The following EDIL3 variants were observed in gnomAD, a reference collection of about 807,000 sequenced individuals.
The protein encoded by EDIL3 is EGF like and discoidin domains 3.
In EDIL3, 37 loss-of-function variants were observed where a neutral mutation model predicts 67.4. The ratio of observed to expected loss-of-function variants is 0.55; its 90% CI spans 0.42 to 0.72. The LOEUF (loss-of-function observed/expected upper bound fraction) is 0.72, where lower values mean the gene tolerates loss of function less well. EDIL3 is among the 30% of genes least tolerant of loss of function. The pLI, the probability that EDIL3 is intolerant of heterozygous loss-of-function variation, is 0.00. For synonymous variants in EDIL3, 195 were observed against 196.3 expected, an observed-to-expected ratio of 0.99 and a Z score of 0.05; for missense variants, 527 against 586.3, an observed-to-expected ratio of 0.90 and a Z score of 1.04.
At chr5:84,245,395 T>G (rs767940592) in intron 2 of EDIL3, among the ~76,000 whole-genome samples, 1 of 152,200 alleles carries the variant, frequency 6.6e-6, no homozygotes, top group African/African-American at 2.4e-5. Context: ...TTAAGCTTCC[T>G]CTTCATTATA....
chr5:84,039,107 T>C (rs1181324542), intron 9 of EDIL3, among the ~76,000 whole-genome samples: 1 of 140,364 alleles, frequency 7.1e-6, no homozygotes, highest in Non-Finnish European at 1.5e-5. Flanking sequence ...CTAAAGACTG[T>C]GTTTTTTTTT....
chr5:83,995,370 G>A (rs1422512575), intron 9 of EDIL3, among the ~76,000 whole-genome samples: 2 of 152,088 alleles, frequency 1.3e-5, no homozygotes, highest in East Asian at 1.9e-4. Context: ...TTTATTCCAC[G>A]AGGGTCACTT....
chr5:84,178,672 G>A (rs938015515), intron 4 of EDIL3, among the ~76,000 whole-genome samples: 3 of 152,136 alleles, frequency 2.0e-5, no homozygotes, highest in African/African-American at 7.2e-5. Flanking sequence ...CTGACTCAGG[G>A]TCACTTATTT....
At chr5:84,069,441 C>T (rs1561421295) in intron 6 of EDIL3, among the ~76,000 whole-genome samples, 1 of 151,946 alleles carries the variant, frequency 6.6e-6, no homozygotes, top group Non-Finnish European at 1.5e-5. Flanking sequence ...AATTTCCTCC[C>T]TGTAAAGGAG....
At chr5:84,182,153 G>A (rs1364718582) in intron 3 of EDIL3, among the ~76,000 whole-genome samples, 11 of 152,136 alleles carry the variant, frequency 7.2e-5, no homozygotes, top group African/African-American at 1.9e-4. Context: ...AGAGCTGAAC[G>A]AGGTGGTGCA....
chr5:84,137,244 A>G lies in EDIL3; in HGVS notation c.466T>C (p.Tyr156His), dbSNP rs946924168. The G allele has an allele frequency of 1.2e-6, 2 of 1,610,712 alleles. No individual in the cohort carries two copies. Among genetic ancestry groups the G allele is most frequent in the Non-Finnish European group, 1.7e-6 (2 of 1,178,174 alleles). The change falls in exon 5 of 11, where the codon TAC (tyrosine) becomes CAC (histidine). Residue 156 changes from tyrosine to histidine, a missense_variant. Physicochemically the swap from Tyr to His is moderately conservative, Grantham distance 83. This residue lies in a region of EDIL3 where 494 missense variants were observed against 522.5 expected (regional missense o/e 0.95). Coordinates refer to ENST00000296591, the MANE Select transcript of EDIL3 (RefSeq NM_005711.5). ...PGEFMGRNCQ[Y>H]KCSGPLGIEG... is the part of the protein sequence containing the mutation. ...ATACACACACGTGAATACTTACTGT[A>G]TTGACAATTTCTTCCCATAAATTCG...
intron 9 of EDIL3, among the ~76,000 whole-genome samples, chr5:84,029,155 G>A (rs1199112348): frequency 6.6e-6 from 1 of 152,174 alleles, no homozygotes; most frequent in Non-Finnish European, 1.5e-5. Context: ...TACTCTGGAG[G>A]CTGAAGCAAG....
intron 1 of EDIL3, among the ~76,000 whole-genome samples, chr5:84,371,448 T>TAGAG (rs1417769703): frequency 1.1e-5 from 1 of 93,234 alleles, no homozygotes; most frequent in African/African-American, 5.0e-5. Flanking sequence ...TATATATATA[T>TAGAG]ATAGAGAGAG....
At chr5:84,001,954 A>G in intron 9 of EDIL3, among the ~76,000 whole-genome samples, 1 of 152,136 alleles carries the variant, frequency 6.6e-6, no homozygotes, top group East Asian at 1.9e-4. Context: ...CATCAAAAAA[A>G]TAAATAAATA....
intron 1 of EDIL3, among the ~76,000 whole-genome samples, chr5:84,254,853 C>T (rs1486620264): frequency 6.6e-6 from 1 of 152,180 alleles, no homozygotes; most frequent in Admixed American, 6.5e-5. Context: ...AGAAACCCCA[C>T]AATACGTGGC....
intron 1 of EDIL3, among the ~76,000 whole-genome samples, chr5:84,268,276 T>C (rs1745390822): frequency 6.6e-6 from 1 of 152,230 alleles, no homozygotes; most frequent in South Asian, 2.1e-4. Flanking sequence ...ACTTCTGGAC[T>C]ACATGGCTTA....
intron 9 of EDIL3, among the ~76,000 whole-genome samples, chr5:84,003,549 T>C (rs1224361608): frequency 6.6e-6 from 1 of 152,164 alleles, no homozygotes; most frequent in South Asian, 2.1e-4. Flanking sequence ...AAGAATTCCA[T>C]ATCTAGCCAA....
At chr5:84,254,320 G>T in intron 1 of EDIL3, 108 bp from the exon 2 acceptor site, 1 of 1,255,612 alleles carries the variant, frequency 8.0e-7, no homozygotes, top group Non-Finnish European at 1.1e-6. Context: ...CAAAAGTCAG[G>T]GTAATATTAA....
At chr5:84,156,445 C>T (rs560728686) in intron 4 of EDIL3, among the ~76,000 whole-genome samples, 23 of 152,292 alleles carry the variant, frequency 1.5e-4, no homozygotes, top group Non-Finnish European at 2.6e-4. Flanking sequence ...CTCCTGTATG[C>T]TGTCATCTAG....
chr5:84,229,792 G>T, intron 3 of EDIL3, 63 bp downstream of exon 3: 2 of 1,488,536 alleles, frequency 1.3e-6, no homozygotes, highest in South Asian at 2.5e-5. Context: ...TCAAAAGGTT[G>T]ACTCTCTATT....
At chr5:84,200,159 C>T (rs1318069884) in intron 3 of EDIL3, among the ~76,000 whole-genome samples, 6 of 152,018 alleles carry the variant, frequency 3.9e-5, no homozygotes, top group Admixed American at 3.9e-4. Flanking sequence ...TTAAAGATAA[C>T]TCTAAAACCT....
chr5:84,261,439 C>A (rs1018805403), intron 1 of EDIL3, among the ~76,000 whole-genome samples: 2 of 152,104 alleles, frequency 1.3e-5, no homozygotes, highest in Admixed American at 1.3e-4. Flanking sequence ...TGATTTAAAG[C>A]TTTTTCTCAC....
Position 84,098,502 on chromosome 5 carries a change from TA to T in EDIL3, c.651+8146del, listed in dbSNP as rs565013075. ...ACAAAATTGATAAAGTTTTTTCTTC[TA>T]AAAAATAACTTAGAAAATATGTTAT... On this transcript the variant is annotated intron_variant, in intron 6 of 10. Transcript: ENST00000296591. 3.8e-4 allele frequency among the ~76,000 whole-genome samples: 57 copies of T among 151,806 alleles called. 2 individuals carry two copies. Among genetic ancestry groups the T allele is most frequent in the Middle Eastern group, 3.4e-3 (1 of 290 alleles).
intron 1 of EDIL3, among the ~76,000 whole-genome samples, chr5:84,341,744 G>A (rs1747120314): frequency 6.6e-6 from 1 of 151,936 alleles, no homozygotes; most frequent in Non-Finnish European, 1.5e-5. Flanking sequence ...ACTCATAGTG[G>A]AGGAGTTTTA....
Sources: allele counts gnomAD v4.1 joint callset (sites outside exome capture counted in the v4.1 genomes callset), GRCh38; gene constraint gnomAD v4.1.1; regional missense constraint gnomAD v4.1.1; transcripts MANE v1.5; gene names NCBI Gene and HGNC (gene_info 2026-07-23, HGNC 2026-07-21).